Variants in CNTN5 observed in about 807,000 individuals in gnomAD.
CNTN5 encodes contactin 5, also known as contactin-5.
Under a neutral mutation model 129.1 loss-of-function variants are expected in CNTN5, and 77 were observed. That is an observed-to-expected ratio of 0.60 (90% CI 0.50 to 0.72). The LOEUF is 0.72. CNTN5 is among the 30% of genes least tolerant of loss of function. The pLI is 0.00. For synonymous variants in CNTN5, 509 were observed against 465.6 expected, an observed-to-expected ratio of 1.09 and a Z score of -1.20; for missense variants, 1,478 against 1,328.8, an observed-to-expected ratio of 1.11 and a Z score of -1.75.
At chr11:100,109,729 A>T (rs1040216932) in intron 13 of CNTN5, among the ~76,000 whole-genome samples, 5 of 152,212 alleles carry the variant, frequency 3.3e-5, no homozygotes, top group Admixed American at 2.6e-4. Context: ...TTATGCCGAT[A>T]ATTGTTAAGG....
chr11:99,055,237 G>C (rs1213599477), intron 1 of CNTN5, among the ~76,000 whole-genome samples: 2 of 151,908 alleles, frequency 1.3e-5, no homozygotes, highest in African/African-American at 4.8e-5. Context: ...ATAACTATGA[G>C]TGGCAATGAA....
chr11:99,054,767 A>T (rs548790296), intron 1 of CNTN5, among the ~76,000 whole-genome samples: 1 of 152,030 alleles, frequency 6.6e-6, no homozygotes, highest in East Asian at 1.9e-4. Flanking sequence ...GGGGTAGGGT[A>T]TTCATAGGTG....
intron 2 of CNTN5, among the ~76,000 whole-genome samples, chr11:99,358,972 C>G (rs1938912591): frequency 6.6e-6 from 1 of 152,072 alleles, no homozygotes; most frequent in African/African-American, 2.4e-5. Flanking sequence ...GAAATAAGTT[C>G]TAAGTGGAAA....
At chr11:99,825,571 G>C (rs141464775) in intron 4 of CNTN5, among the ~76,000 whole-genome samples, 1 of 151,836 alleles carries the variant, frequency 6.6e-6, no homozygotes, top group Admixed American at 6.6e-5. Context: ...ATATTTTGTG[G>C]TAAAAAGGAT....
intron 7 of CNTN5, among the ~76,000 whole-genome samples, chr11:99,932,270 G>A (rs1451272967): frequency 6.6e-6 from 1 of 152,070 alleles, no homozygotes; most frequent in Non-Finnish European, 1.5e-5. Flanking sequence ...TCGGCTCACT[G>A]CAACCTTCGC....
At chr11:99,062,107 C>G (rs191106990) in intron 1 of CNTN5, among the ~76,000 whole-genome samples, 1 of 152,024 alleles carries the variant, frequency 6.6e-6, no homozygotes, top group African/African-American at 2.4e-5. Flanking sequence ...TGGAGTTATT[C>G]AAGATGAAGA....
chr11:99,462,333 CT>C lies in CNTN5; in HGVS notation c.-70-93804del, dbSNP rs1259949458. On this transcript the variant is annotated intron_variant, in intron 2 of 24. Transcript: ENST00000524871. Reference sequence around the variant, plus strand: ...AATGTGTAGATTGTCCTTTTTCTTTCTTTTTTTTCTTTTTTTCTTTTCTTTT... The same window carrying C: ...AATGTGTAGATTGTCCTTTTTCTTTCTTTTTTTCTTTTTTTCTTTTCTTTT... Among the ~76,000 whole-genome samples the C allele has an allele frequency of 7.7e-5, 10 of 130,376 alleles. No individual in the cohort carries two copies. In the East Asian group the frequency reaches 1.4e-3, roughly 18 times the overall value. 85.5% of individuals were successfully genotyped at this position (130,376 alleles called of 152,430 possible).
chr11:100,036,209 A>G (rs1359616075), intron 9 of CNTN5, among the ~76,000 whole-genome samples: 1 of 152,136 alleles, frequency 6.6e-6, no homozygotes, highest in East Asian at 1.9e-4. Context: ...TTCCAGCACC[A>G]TTTATTAAAT....
intron 1 of CNTN5, among the ~76,000 whole-genome samples, chr11:99,118,543 C>T (rs1335988945): frequency 6.6e-6 from 1 of 151,770 alleles, no homozygotes; most frequent in Non-Finnish European, 1.5e-5. Context: ...TGAATTTGTG[C>T]ATACAGTGTC....
intron 1 of CNTN5, among the ~76,000 whole-genome samples, chr11:99,052,425 T>G (rs1421022914): frequency 6.6e-6 from 1 of 151,890 alleles, no homozygotes; most frequent in South Asian, 2.1e-4. Flanking sequence ...TACAAATACT[T>G]AATGTGTTAT....
chr11:100,187,666 T>C (rs2138485684), intron 13 of CNTN5, among the ~76,000 whole-genome samples: 1 of 152,032 alleles, frequency 6.6e-6, no homozygotes, highest in South Asian at 2.1e-4. Flanking sequence ...CTTACCAAAG[T>C]TGACAAAAAT....
chr11:99,349,509 C>A (rs1453047978), intron 2 of CNTN5, among the ~76,000 whole-genome samples: 2 of 152,138 alleles, frequency 1.3e-5, no homozygotes, highest in African/African-American at 2.4e-5. Context: ...TGCCAAGGTA[C>A]ACACAACATG....
intron 1 of CNTN5, among the ~76,000 whole-genome samples, chr11:99,164,418 C>T (rs1013594769): frequency 6.7e-6 from 1 of 148,484 alleles, no homozygotes; most frequent in Non-Finnish European, 1.5e-5. Context: ...CTTTAAAAAA[C>T]TCTATAATAG....
chr11:99,240,252 G>A (rs1861481481), intron 1 of CNTN5, among the ~76,000 whole-genome samples: 1 of 152,100 alleles, frequency 6.6e-6, no homozygotes, highest in Non-Finnish European at 1.5e-5. Flanking sequence ...CTAAAAGTGT[G>A]GGGACGAAAT....
chr11:99,322,010 C>T (rs1865594531), intron 1 of CNTN5, among the ~76,000 whole-genome samples: 1 of 152,118 alleles, frequency 6.6e-6, no homozygotes, highest in African/African-American at 2.4e-5. Context: ...CTCTTGCTTA[C>T]CAAATTGTAG....
At chr11:99,801,163 A>G (rs975584325) in intron 3 of CNTN5, among the ~76,000 whole-genome samples, 3 of 152,176 alleles carry the variant, frequency 2.0e-5, no homozygotes, top group African/African-American at 7.2e-5. Context: ...CTCGTCTGCA[A>G]AAGATTTTAT....
intron 23 of CNTN5, among the ~76,000 whole-genome samples, chr11:100,348,004 C>T (rs1296279621): frequency 6.6e-6 from 1 of 152,000 alleles, no homozygotes; most frequent in Non-Finnish European, 1.5e-5. Flanking sequence ...ATACCACAAT[C>T]ACTTTCTATT....
At chr11:99,794,977 G>T (rs1663022038) in intron 3 of CNTN5, among the ~76,000 whole-genome samples, 1 of 152,072 alleles carries the variant, frequency 6.6e-6, no homozygotes, top group South Asian at 2.1e-4. Context: ...TCTATTGCAA[G>T]GTTAAGGAAA....
At chr11:99,398,949 C>T (rs187223781) in intron 2 of CNTN5, among the ~76,000 whole-genome samples, 66 of 151,858 alleles carry the variant, frequency 4.3e-4, no homozygotes, top group Admixed American at 2.4e-3. Context: ...ACTTAACAAA[C>T]TCCTGCACAT....
Sources: allele counts gnomAD v4.1 joint callset (sites outside exome capture counted in the v4.1 genomes callset), GRCh38; gene constraint gnomAD v4.1.1; transcripts MANE v1.5; gene names NCBI Gene and HGNC (gene_info 2026-07-23, HGNC 2026-07-21).